The following VAPB variants were observed in gnomAD, a reference collection of about 807,000 sequenced individuals.
VAPB encodes vesicle-associated membrane protein-associated protein B/C.
In VAPB, 7 loss-of-function variants were observed where a neutral mutation model predicts 25.6. The ratio of observed to expected loss-of-function variants is 0.27; its 90% CI spans 0.16 to 0.51. VAPB has a LOEUF of 0.51. Among genes scored for constraint, VAPB ranks in the 20% least tolerant of loss-of-function variants. The pLI is 0.97. For missense variants in VAPB, 266 were observed against 301.3 expected (o/e 0.88, Z 0.87); for synonymous variants, 112 against 109.2 (o/e 1.03, Z -0.16).
At chr20:58,443,545 C>T (rs1451885235) in intron 5 of VAPB, among the ~76,000 whole-genome samples, 1 of 152,010 alleles carries the variant, frequency 6.6e-6, no homozygotes, top group Non-Finnish European at 1.5e-5. Context: ...GCCTCAGCCT[C>T]CCAAAGTACA....
chr20:58,439,883 C>G (rs1989124944), intron 4 of VAPB: 1 of 152,062 alleles, frequency 6.6e-6, no homozygotes, highest in Non-Finnish European at 1.5e-5. Flanking sequence ...ATAAAAACAC[C>G]AAAACTGTGA....
At chr20:58,424,204 T>G (rs1988734803) in intron 2 of VAPB, among the ~76,000 whole-genome samples, 1 of 152,176 alleles carries the variant, frequency 6.6e-6, no homozygotes, top group African/African-American at 2.4e-5. Context: ...CCTTGCATAC[T>G]TACACACTTG....
Position 58,448,710 on chromosome 20 carries a change from G to A in VAPB, c.*4475G>A, listed in dbSNP as rs1349079503. On this transcript the variant is annotated 3_prime_UTR_variant, in exon 6 of 6. Transcript: ENST00000475243. ...CTTATTCAGTTATTTTCACACTAAA[G>A]TAAGTAGAATTAAGACTGTAGTTCA... 4.4e-6 allele frequency: 2 copies of A among 453,692 alleles called. No individual in the cohort carries two copies. The highest frequency in any genetic ancestry group is 2.4e-5 in the Admixed American group (1 of 42,508). 28.1% of individuals were successfully genotyped at this position (453,692 alleles called of 1,614,324 possible). A position where few individuals can be genotyped will look rare whatever the true frequency, so the allele number is the denominator to read the frequency against.
Position 58,447,459 on chromosome 20 carries a change from C to T in VAPB, c.*3224C>T. The stretch of plus-strand genomic sequence containing the variant: ...AGAGAGACGACTTATACCTCCATAA[C>T]ACAGAAGGGGGAAAAATGAAGAACC... On this transcript the variant is annotated 3_prime_UTR_variant, in exon 6 of 6. Transcript: ENST00000475243. The T allele has an allele frequency of 2.2e-6, 1 of 454,052 alleles. No individual in the cohort carries two copies. The highest frequency in any genetic ancestry group is 1.6e-5 in the South Asian group (1 of 64,472). 28.1% of individuals were successfully genotyped at this position (454,052 alleles called of 1,614,324 possible).
chr20:58,435,915 T>C (rs140333280), intron 3 of VAPB, among the ~76,000 whole-genome samples: 15 of 152,338 alleles, frequency 9.8e-5, no homozygotes, highest in Non-Finnish European at 2.2e-4. Flanking sequence ...CTGCATGGCA[T>C]AGTGAAAAGA....
At position 58,441,012 on chromosome 20, in the gene VAPB, A is replaced by G. The variant is rs774643393; in HGVS notation, c.502A>G (p.Lys168Glu). 6.2e-6 allele frequency: 10 copies of G among 1,613,984 alleles called. No individual in the cohort carries two copies. The African/African-American group carries it at 6.7e-5, about 11-fold the overall frequency. ...TTCTTTGGATGACACCGAAGTTAAG[A>G]AGGTTATGGAAGAATGTAAGAGGCT... The part of the protein sequence containing the change: ...SSSLDDTEVK[K>E]VMEECKRLQG... Residue 168 changes from lysine to glutamate, a missense_variant, in exon 5 of 6, where the codon AAG becomes GAG. Around this residue, in one of 3 missense-constraint regions of VAPB, gnomAD observed 136 missense variants for 130.7 expected, o/e 1.04. Coordinates refer to ENST00000475243, the MANE Select transcript of VAPB (RefSeq NM_004738.5).
In VAPB at chr20:58,446,713, T is replaced by A. The variant is rs1326081025; in HGVS notation, c.*2478T>A. On this transcript the variant is annotated 3_prime_UTR_variant, in exon 6 of 6. Transcript: ENST00000475243. ...GGTTAGGACTTGGTGAACATGTTTGTGGGCCTTTTGACTGAGTGGCAGAAG... is the reference window on the plus strand; with the variant it reads ...GGTTAGGACTTGGTGAACATGTTTGAGGGCCTTTTGACTGAGTGGCAGAAG... The A allele has an allele frequency of 2.2e-6, 1 of 453,932 alleles. No homozygotes were observed. Among genetic ancestry groups the A allele is most frequent in the East Asian group, 6.9e-5 (1 of 14,400 alleles). The allele number at this position is 453,932 out of a possible 1,614,324, so 28.1% of individuals were successfully genotyped here.
chr20:58,389,662 G>A (rs975470583), intron 1 of VAPB, 145 bp downstream of exon 1: 2 of 864,490 alleles, frequency 2.3e-6, no homozygotes, highest in South Asian at 5.3e-5. Flanking sequence ...GCCGGGCCTT[G>A]GCGCTCGCCG....
chr20:58,425,380 C>T (rs2123070834), intron 2 of VAPB, among the ~76,000 whole-genome samples: 1 of 152,218 alleles, frequency 6.6e-6, no homozygotes, highest in Non-Finnish European at 1.5e-5. Context: ...TTGGGCTTCT[C>T]CAAGGATATT....
chr20:58,442,773 A>G (rs553578000), intron 5 of VAPB, among the ~76,000 whole-genome samples: 74 of 152,350 alleles, frequency 4.9e-4, no homozygotes, highest in African/African-American at 1.4e-3. Flanking sequence ...AGTGTGATCA[A>G]TGTCCCACAG....
chr20:58,399,160 G>T (rs987109060), intron 1 of VAPB, among the ~76,000 whole-genome samples: 2 of 152,026 alleles, frequency 1.3e-5, no homozygotes, highest in Admixed American at 6.5e-5. Flanking sequence ...AGTTAGCCGG[G>T]CGTGGTGGTG....
chr20:58,414,513 C>T (rs1435741963), intron 1 of VAPB, among the ~76,000 whole-genome samples: 2 of 151,330 alleles, frequency 1.3e-5, no homozygotes, highest in East Asian at 2.0e-4. Context: ...TCAGACGGGG[C>T]GGTGGGGCAG....
chr20:58,433,788 A>G (rs1403316502), intron 2 of VAPB, among the ~76,000 whole-genome samples: 1 of 152,264 alleles, frequency 6.6e-6, no homozygotes, highest in African/African-American at 2.4e-5. Flanking sequence ...GGTCAAGGCC[A>G]CAGTAGGCTT....
At chr20:58,411,680 TTTA>T (rs1487585118) in intron 1 of VAPB, among the ~76,000 whole-genome samples, 2 of 152,286 alleles carry the variant, frequency 1.3e-5, no homozygotes, top group East Asian at 3.9e-4. Flanking sequence ...TTATTTTATT[TTTA>T]TTATTTTTTG....
At chr20:58,433,681 T>C (rs904428705) in intron 2 of VAPB, among the ~76,000 whole-genome samples, 1 of 152,166 alleles carries the variant, frequency 6.6e-6, no homozygotes, top group African/African-American at 2.4e-5. Flanking sequence ...CCAACAATAG[T>C]ACCTACTTTT....
At chr20:58,405,900 T>C (rs1428154476) in intron 1 of VAPB, among the ~76,000 whole-genome samples, 2 of 151,950 alleles carry the variant, frequency 1.3e-5, no homozygotes, top group African/African-American at 4.8e-5. Flanking sequence ...ACTACAGGCA[T>C]GTGCCACCAC....
intron 1 of VAPB, among the ~76,000 whole-genome samples, chr20:58,415,952 G>T (rs1401370381): frequency 1.3e-5 from 2 of 152,166 alleles, no homozygotes; most frequent in Admixed American, 1.3e-4. Context: ...CCAGAGTAGG[G>T]AGAGGAAGGT....
chr20:58,436,900 A>G (rs1465338205), intron 3 of VAPB, among the ~76,000 whole-genome samples: 1 of 150,190 alleles, frequency 6.7e-6, no homozygotes, highest in Non-Finnish European at 1.5e-5. Flanking sequence ...CAGTATTATT[A>G]TGTGATAAAT....
rs781284908 is a variant in VAPB at position 58,418,191 on chromosome 20, GTC to G, written c.59-16_59-15del. 29 of 1,613,862 alleles carry G rather than the reference GTC, an allele frequency of 1.8e-5. No individual in the cohort carries two copies. Among genetic ancestry groups the G allele is most frequent in the Non-Finnish European group, 2.4e-5 (28 of 1,180,012 alleles). ...ACTTTCCTCATGAGACCCCCAATCA[GTC>G]TCTGTCTCATTCTACAGGTCCCTTC... On this transcript the variant is annotated intron_variant, in intron 1 of 5. Transcript: ENST00000475243.
Sources: allele counts gnomAD v4.1 joint callset (sites outside exome capture counted in the v4.1 genomes callset), GRCh38; gene constraint gnomAD v4.1.1; regional missense constraint gnomAD v4.1.1; transcripts MANE v1.5; gene names NCBI Gene and HGNC (gene_info 2026-07-23, HGNC 2026-07-21).